Variants in KCNJ6 observed in about 807,000 individuals in gnomAD.
The protein encoded by KCNJ6 is G protein-activated inward rectifier potassium channel 2.
In KCNJ6, 9 loss-of-function variants were observed where a neutral mutation model predicts 34.2. The observed-to-expected ratio is 0.26, with a 90% CI of 0.16 to 0.46. The LOEUF is 0.46. Among genes scored for constraint, KCNJ6 ranks in the 20% least tolerant of loss-of-function variants. KCNJ6 has a pLI of 1.00. For synonymous variants in KCNJ6, 196 were observed against 207.1 expected, an observed-to-expected ratio of 0.95 and a Z score of 0.46; for missense variants, 236 against 531.3, an observed-to-expected ratio of 0.44 and a Z score of 5.46.
At chr21:37,641,665 G>C (rs1275599740) in intron 3 of KCNJ6, among the ~76,000 whole-genome samples, 1 of 150,900 alleles carries the variant, frequency 6.6e-6, no homozygotes, top group Non-Finnish European at 1.5e-5. Context: ...AAGGCTCCTT[G>C]GGTGTTCAAG....
chr21:37,671,886 AT>A (rs35287056), intron 3 of KCNJ6, among the ~76,000 whole-genome samples: 72,527 of 151,646 alleles, frequency 0.48, 18,126 homozygotes, highest in African/African-American at 0.63. Context: ...GAAATTCAAC[AT>A]TTTTTTTTGT....
At chr21:37,733,480 TA>T (rs2054896690) in intron 2 of KCNJ6, among the ~76,000 whole-genome samples, 1 of 152,062 alleles carries the variant, frequency 6.6e-6, no homozygotes, top group Admixed American at 6.5e-5. Flanking sequence ...GGTCCTCAGA[TA>T]ATCACTTGGT....
chr21:37,687,214 AG>A (rs899197423), intron 3 of KCNJ6, among the ~76,000 whole-genome samples: 5 of 152,050 alleles, frequency 3.3e-5, no homozygotes, highest in African/African-American at 1.2e-4. Context: ...GAAGGGAGAA[AG>A]GCTAAGGGTA....
chr21:37,821,472 T>C (rs9984313), intron 2 of KCNJ6, among the ~76,000 whole-genome samples: 32,493 of 152,126 alleles, frequency 0.21, 3,868 homozygotes, highest in South Asian at 0.35. Flanking sequence ...GGTGGTTTGC[T>C]GCACCTATCA....
chr21:37,699,579 A>G (rs938235719), intron 3 of KCNJ6, among the ~76,000 whole-genome samples: 1 of 152,200 alleles, frequency 6.6e-6, no homozygotes, highest in Non-Finnish European at 1.5e-5. Flanking sequence ...GGAGTCCCTG[A>G]GCATGTAATT....
At chr21:37,708,927 T>G (rs1341494215) in intron 3 of KCNJ6, among the ~76,000 whole-genome samples, 1 of 152,172 alleles carries the variant, frequency 6.6e-6, no homozygotes, top group Non-Finnish European at 1.5e-5. Context: ...CTAGGGTAGA[T>G]TGGCATTTTT....
chr21:37,886,160 A>G (rs538617700), intron 1 of KCNJ6, among the ~76,000 whole-genome samples: 1 of 152,278 alleles, frequency 6.6e-6, no homozygotes, highest in South Asian at 2.1e-4. Context: ...TGTTAACCAC[A>G]GCTCTCCAAA....
chr21:37,798,450 A>G (rs2055253563), intron 2 of KCNJ6, among the ~76,000 whole-genome samples: 2 of 152,008 alleles, frequency 1.3e-5, no homozygotes, highest in Non-Finnish European at 1.5e-5. Flanking sequence ...CCCCAAGAGA[A>G]AGAAAACATA....
Position 37,714,908 on chromosome 21 carries a change from T to A in KCNJ6, c.249A>T (p.Thr83=). 1 of 1,614,158 alleles carries A rather than the reference T, an allele frequency of 6.2e-7. No individual in the cohort carries two copies. Among genetic ancestry groups the A allele is most frequent in the East Asian group, 2.2e-5 (1 of 44,884 alleles). ...TGAATCTCCACTTCAGGTCCACTAA[T>A]GTGGTGAAGATATCGGTCAGGTAGC... ...TYRYLTDIFT[T]LVDLKWRFNL... is the part of the protein sequence containing the mutation. The change falls in exon 3 of 4, where the codon ACA becomes ACT. Residue 83 remains threonine, a synonymous_variant. Coordinates refer to ENST00000609713, the MANE Select transcript of KCNJ6 (RefSeq NM_002240.5). The surrounding 1 kb of genome is among the most constrained non-coding windows in gnomAD (Gnocchi z 5.9).
intron 2 of KCNJ6, among the ~76,000 whole-genome samples, chr21:37,772,355 AACACACAC>A (rs142992347): frequency 1.3e-5 from 2 of 150,656 alleles, no homozygotes; most frequent in African/African-American, 4.9e-5. Context: ...CATTGATAGA[AACACACAC>A]ACACACACAC....
chr21:37,827,693 T>C (rs1026221803), intron 2 of KCNJ6, among the ~76,000 whole-genome samples: 3 of 152,302 alleles, frequency 2.0e-5, no homozygotes, highest in African/African-American at 7.2e-5. Flanking sequence ...GTGCCTGATA[T>C]GGGACAGTTG....
chr21:37,626,104 A>G (rs2054309513), intron 3 of KCNJ6, among the ~76,000 whole-genome samples: 1 of 150,322 alleles, frequency 6.7e-6, no homozygotes, highest in Non-Finnish European at 1.5e-5. Flanking sequence ...GTGCAATCAT[A>G]ACTACTTTAA....
At chr21:37,686,574 T>C (rs2123423909) in intron 3 of KCNJ6, among the ~76,000 whole-genome samples, 1 of 150,836 alleles carries the variant, frequency 6.6e-6, no homozygotes, top group Admixed American at 6.7e-5. Context: ...TTCAAGTGAT[T>C]CTCCTGTCTC....
chr21:37,679,007 G>T (rs1569443892), intron 3 of KCNJ6, among the ~76,000 whole-genome samples: 1 of 152,050 alleles, frequency 6.6e-6, no homozygotes. Context: ...AAGTCTAAAG[G>T]GTGCTGTGGG....
chr21:37,647,460 C>T (rs551761948), intron 3 of KCNJ6, among the ~76,000 whole-genome samples: 1 of 152,268 alleles, frequency 6.6e-6, no homozygotes, highest in African/African-American at 2.4e-5. Flanking sequence ...GCTGTGCTGA[C>T]CCAATTGCCA....
chr21:37,841,589 T>C (rs2055481169), intron 1 of KCNJ6, among the ~76,000 whole-genome samples: 1 of 152,222 alleles, frequency 6.6e-6, no homozygotes, highest in South Asian at 2.1e-4. Context: ...TGGTGACTGC[T>C]TTCTAGGCCT....
At chr21:37,749,989 A>G (rs2054987047) in intron 2 of KCNJ6, among the ~76,000 whole-genome samples, 1 of 152,228 alleles carries the variant, frequency 6.6e-6, no homozygotes. Flanking sequence ...CTAAAAAGTC[A>G]CAGACCTGAA....
At chr21:37,716,527 C>A (rs918583750) in intron 2 of KCNJ6, among the ~76,000 whole-genome samples, 1 of 151,932 alleles carries the variant, frequency 6.6e-6, no homozygotes, top group Non-Finnish European at 1.5e-5. Flanking sequence ...GAGGCTCAGG[C>A]TTATGTCACT....
chr21:37,714,266 C>A lies in KCNJ6; in HGVS notation c.891G>T (p.Leu297=). ...CCACAATTTCCAGTTCCTCTTTGGG[C>A]AGCTGGGCTTTGGAGATCTCCCAGA... is the stretch of plus-strand genomic sequence containing the variant. ...SPFWEISKAQ[L]PKEELEIVVI... Residue 297 remains leucine, a synonymous_variant, in exon 3 of 4, where the codon CTG becomes CTT. Transcript: ENST00000609713. The surrounding 1 kb of genome is among the most constrained non-coding windows in gnomAD (Gnocchi z 5.9). 1 of 1,614,108 alleles carries A rather than the reference C, an allele frequency of 6.2e-7. No individual in the cohort carries two copies. The highest frequency in any genetic ancestry group is 1.1e-5 in the South Asian group (1 of 91,074).
Sources: allele counts gnomAD v4.1 joint callset (sites outside exome capture counted in the v4.1 genomes callset), GRCh38; gene constraint gnomAD v4.1.1; non-coding constraint Gnocchi (gnomAD v3.1); transcripts MANE v1.5; gene names NCBI Gene and HGNC (gene_info 2026-07-23, HGNC 2026-07-21).